SCP2: variants seen among roughly 807,000 people sequenced by gnomAD.
SCP2 encodes the protein SCP-2/3-oxoacyl-CoA thiolase.
Under a neutral mutation model 71.4 loss-of-function variants are expected in SCP2, and 48 were observed. The observed-to-expected ratio is 0.67, with a 90% CI of 0.53 to 0.86. The LOEUF (loss-of-function observed/expected upper bound fraction) is 0.86, where lower values mean the gene tolerates loss of function less well. Among genes scored for constraint, SCP2 ranks in the 40% least tolerant of loss-of-function variants. The pLI, the probability that SCP2 is intolerant of heterozygous loss-of-function variation, is 0.00. For missense variants in SCP2, 560 were observed against 655.6 expected (o/e 0.85, Z 1.59); for synonymous variants, 220 against 218.1 (o/e 1.01, Z -0.08).
chr1:52,995,795 G>A (rs72670834), intron 11 of SCP2: 17,799 of 846,830 alleles, frequency 0.021, 219 homozygotes, highest in Non-Finnish European at 0.028. Context: ...CACCTTAATC[G>A]GCAGCAGCAC....
At chr1:53,009,582 AG>A (rs1306186985) in intron 11 of SCP2, among the ~76,000 whole-genome samples, 1 of 152,252 alleles carries the variant, frequency 6.6e-6, no homozygotes. Flanking sequence ...ATATGTAGAA[AG>A]CTGAAACTGG....
At chr1:53,039,970 A>G (rs1663303112) in intron 14 of SCP2, among the ~76,000 whole-genome samples, 1 of 152,150 alleles carries the variant, frequency 6.6e-6, no homozygotes, top group Non-Finnish European at 1.5e-5. Context: ...TGCTGTTGCA[A>G]TTGGTAAATT....
In SCP2 at chr1:53,009,713, A is replaced by G. The variant is rs546909377; in HGVS notation, c.1082-5177A>G. ...AGGCAATACCATTCAGGCCATAGGC[A>G]TGGGCAAGGACTTCATGACTAAAAC... On this transcript the variant is annotated intron_variant, in intron 11 of 15. Coordinates refer to ENST00000371514, the MANE Select transcript of SCP2 (RefSeq NM_002979.5). Among the ~76,000 whole-genome samples, 260 of 152,332 alleles carry G rather than the reference A, an allele frequency of 1.7e-3. 2 individuals carry two copies. Among genetic ancestry groups the G allele is most frequent in the African/African-American group, 5.6e-3 (232 of 41,566 alleles).
Position 52,978,138 on chromosome 1 carries a change from C to T in SCP2, c.675-79C>T, listed in dbSNP as rs1384996877. On this transcript the variant is annotated intron_variant, in intron 8 of 15. Coordinates refer to ENST00000371514, the MANE Select transcript of SCP2 (RefSeq NM_002979.5). ...AGCAAGCATATTTGGCCTTTCCTTT[C>T]ACATAGAAGTAACTCCTAGTCTGAA... 6 of 1,411,716 alleles carry T rather than the reference C, an allele frequency of 4.3e-6. No homozygotes were observed. In the African/African-American group the frequency reaches 7.1e-5, roughly 17 times the overall value. 87.4% of individuals were successfully genotyped at this position (1,411,716 alleles called of 1,614,324 possible).
At chr1:53,040,786 A>G (rs1388725252) in intron 14 of SCP2, among the ~76,000 whole-genome samples, 1 of 152,066 alleles carries the variant, frequency 6.6e-6, no homozygotes, top group Non-Finnish European at 1.5e-5. Context: ...ATTTTTCTCC[A>G]TAGCACTTAT....
chr1:52,928,841 T>C (rs987363586), intron 1 of SCP2: 2 of 154,388 alleles, frequency 1.3e-5, no homozygotes, highest in African/African-American at 4.8e-5. Context: ...AAGGACATCA[T>C]CCTAGTGTTT....
In SCP2 at chr1:53,001,612, A is replaced by G. The variant is rs565591542; in HGVS notation, c.1082-13278A>G. Among the ~76,000 whole-genome samples, 8 of 152,296 alleles carry G rather than the reference A, an allele frequency of 5.3e-5. 1 individual carries two copies. The South Asian group carries it at 1.7e-3, about 32-fold the overall frequency. ...TTTGCATGAAGTCATCAAGCTAGAG[A>G]GTGGCAAAGCTAAGATTCAAACACA... On this transcript the variant is annotated intron_variant, in intron 11 of 15. Transcript: ENST00000371514.
chr1:53,013,934 C>T (rs1661155058), intron 11 of SCP2, among the ~76,000 whole-genome samples: 1 of 114,962 alleles, frequency 8.7e-6, no homozygotes, highest in South Asian at 3.1e-4. Context: ...CTTGCTCTGT[C>T]GCCCAGGCTG....
chr1:52,994,265 A>G, intron 11 of SCP2: 1 of 1,001,500 alleles, frequency 1.0e-6, no homozygotes, highest in South Asian at 4.4e-5. Flanking sequence ...TTTGTGTGTA[A>G]AGAAGTGACT....
At chr1:53,027,908 A>G in intron 12 of SCP2, 61 bp from the exon 13 acceptor site, 1 of 907,058 alleles carries the variant, frequency 1.1e-6, no homozygotes, top group Admixed American at 1.9e-5. Flanking sequence ...ACTATTTTAT[A>G]AATGTTGAAA....
At chr1:53,006,833 G>T (rs577950378) in intron 11 of SCP2, among the ~76,000 whole-genome samples, 1 of 152,142 alleles carries the variant, frequency 6.6e-6, no homozygotes, top group Non-Finnish European at 1.5e-5. Flanking sequence ...GACACAGACT[G>T]GCAAATTGGA....
chr1:52,994,376 A>C, intron 11 of SCP2: 1 of 732,322 alleles, frequency 1.4e-6, no homozygotes, highest in Non-Finnish European at 1.7e-6. Flanking sequence ...GTTGACATAC[A>C]ACTTTTTTCT....
In SCP2 at chr1:52,950,796, G is replaced by A; in HGVS notation, c.241G>A (p.Gly81Arg). The A allele has an allele frequency of 6.2e-7, 1 of 1,613,558 alleles. No individual in the cohort carries two copies. The highest frequency in any genetic ancestry group is 1.1e-5 in the South Asian group (1 of 91,052). The change falls in exon 4 of 16, where the codon GGA becomes AGA. Residue 81 changes from glycine (G) to arginine (R), a missense_variant. Coordinates refer to ENST00000371514, the MANE Select transcript of SCP2 (RefSeq NM_002979.5). ...GCAGAGGGCTATCTATCACAGTTTG[G>A]GAATGACTGGAATTCCTATAATCAA... ...CGQRAIYHSL[G>R]MTGIPIINVN...
chr1:53,029,810 A>T (rs1447524262), intron 13 of SCP2, among the ~76,000 whole-genome samples: 1 of 152,166 alleles, frequency 6.6e-6, no homozygotes, highest in Non-Finnish European at 1.5e-5. Flanking sequence ...CTTGGGATGC[A>T]TCCACATGGG....
chr1:52,954,668 T>C (rs1655633105), intron 4 of SCP2, 72 bp from the exon 5 acceptor site: 2 of 1,189,682 alleles, frequency 1.7e-6, no homozygotes, highest in South Asian at 2.4e-5. Context: ...CTTATTTGAA[T>C]TGAAGTATTT....
At chr1:52,935,532 T>C (rs1232892112) in intron 1 of SCP2, among the ~76,000 whole-genome samples, 1 of 149,782 alleles carries the variant, frequency 6.7e-6, no homozygotes, top group African/African-American at 2.5e-5. Context: ...GGAGGTTGCA[T>C]TGAGCTGAGA....
chr1:52,978,139 A>G, intron 8 of SCP2, 78 bp from the exon 9 acceptor site: 4 of 1,415,198 alleles, frequency 2.8e-6, no homozygotes, highest in Non-Finnish European at 4.0e-6. Flanking sequence ...CTTTCCTTTC[A>G]CATAGAAGTA....
At chr1:52,966,821 A>G (rs1291670494) in intron 6 of SCP2, among the ~76,000 whole-genome samples, 1 of 151,494 alleles carries the variant, frequency 6.6e-6, no homozygotes, top group Admixed American at 6.6e-5. Context: ...TCAACCCGGG[A>G]GGTGGAGGTT....
At chr1:52,976,089 T>C (rs1391608631) in intron 7 of SCP2, among the ~76,000 whole-genome samples, 1 of 152,218 alleles carries the variant, frequency 6.6e-6, no homozygotes, top group Non-Finnish European at 1.5e-5. Context: ...GAGTGAGGTC[T>C]GGGAGCATCC....
Sources: allele counts gnomAD v4.1 joint callset (sites outside exome capture counted in the v4.1 genomes callset), GRCh38; gene constraint gnomAD v4.1.1; transcripts MANE v1.5; gene names NCBI Gene and HGNC (gene_info 2026-07-23, HGNC 2026-07-21).